The following FANCB variants were observed in gnomAD, a reference collection of about 807,000 sequenced individuals.
The protein encoded by FANCB is FA complementation group B.
In FANCB, 5 loss-of-function variants were observed where a neutral mutation model predicts 38.9. The ratio of observed to expected loss-of-function variants is 0.13; its 90% CI spans 0.07 to 0.27. The LOEUF (loss-of-function observed/expected upper bound fraction) is 0.27. Ranked by LOEUF, FANCB falls within the 10% of genes least tolerant of loss-of-function variation. The probability of loss-of-function intolerance (pLI) is 1.00; values close to 1 mark genes in which losing one functional copy is unlikely to be tolerated. For missense variants in FANCB, 573 were observed against 602.7 expected, an observed-to-expected ratio of 0.95 and a Z score of 0.52; for synonymous variants, 236 against 215.4, an observed-to-expected ratio of 1.10 and a Z score of -0.84.
At chrX:14,835,042 T>C (rs2147373506), downstream of FANCB, 2 of 579,149 alleles carry the variant, frequency 3.5e-6, no homozygotes, top group East Asian at 3.3e-5. Context: ...GGTGGTGTTA[T>C]TTCAAAGCCC....
At chrX:14,859,463 T>C (rs1459818574) in intron 3 of FANCB, 129 bp from the exon 4 acceptor site, 1 of 459,906 alleles carries the variant, frequency 2.2e-6, no homozygotes, top group East Asian at 3.8e-5. Flanking sequence ...GTAATGAAAA[T>C]AGTAAAAACT....
At chrX:14,730,761 G>A in the FANCB span, 1 of 305,997 alleles carries the variant, frequency 3.3e-6, no homozygotes, top group East Asian at 6.2e-5. Context: ...CATGATATGC[G>A]CAACATTCAG....
At chrX:14,798,384 G>T in the FANCB span, among the ~76,000 whole-genome samples, 2 of 110,821 alleles carry the variant, frequency 1.8e-5, no homozygotes, top group Non-Finnish European at 3.8e-5. Context: ...GGATGATCTC[G>T]ATCTCCTGAC....
chrX:14,803,517 G>A, the FANCB span, among the ~76,000 whole-genome samples: 3 of 112,022 alleles, frequency 2.7e-5, no homozygotes, highest in Non-Finnish European at 5.6e-5. Context: ...AAAAACTCAG[G>A]AATTCCTTTG....
chrX:14,788,278 C>T, the FANCB span, among the ~76,000 whole-genome samples: 1 of 111,094 alleles, frequency 9.0e-6, no homozygotes, highest in Non-Finnish European at 1.9e-5. Context: ...CGCAGTTACC[C>T]ACTACTACAT....
At chrX:14,713,959 C>T in the FANCB span, among the ~76,000 whole-genome samples, 4 of 111,108 alleles carry the variant, frequency 3.6e-5, no homozygotes, top group African/African-American at 1.3e-4. Context: ...GCCAGCAGAC[C>T]ATGTAGATGA....
At position 14,865,103 on chromosome X, in the gene FANCB, G is replaced by A; in HGVS notation, c.408C>T (p.Val136=). The A allele has an allele frequency of 8.3e-7, 1 of 1,210,327 alleles. No homozygotes were observed. The highest frequency in any genetic ancestry group is 2.3e-4 in the Middle Eastern group (1 of 4,348). The change falls in exon 3 of 10, where the codon GTC becomes GTT. Residue 136 remains valine, a synonymous_variant. Coordinates refer to ENST00000650831, the MANE Select transcript of FANCB (RefSeq NM_001018113.3). ...TCCATAAAATTAAAGGGCCATTAAG[G>A]ACCCTTAGGCCATCCTTCATCTCAT... is the stretch of plus-strand genomic sequence containing the variant. ...LGYEMKDGLR[V]LNGPLILWRH...
At chrX:14,826,532 T>C in the FANCB span, among the ~76,000 whole-genome samples, 1 of 112,613 alleles carries the variant, frequency 8.9e-6, no homozygotes, top group Non-Finnish European at 1.9e-5. Context: ...AAGTCATTTT[T>C]TCAATGTAAT....
At chrX:14,752,512 A>C in the FANCB span, among the ~76,000 whole-genome samples, 19 of 112,490 alleles carry the variant, frequency 1.7e-4, no homozygotes, top group African/African-American at 5.8e-4. Flanking sequence ...TAAGACATAT[A>C]GTATGACCAA....
the FANCB span, among the ~76,000 whole-genome samples, chrX:14,720,360 C>T: frequency 1.2e-3 from 131 of 111,807 alleles, 1 homozygote; most frequent in Admixed American, 3.8e-4. Flanking sequence ...GCTCAAAACT[C>T]AGGATCTCAT....
chrX:14,797,159 A>T, the FANCB span, among the ~76,000 whole-genome samples: 2 of 111,805 alleles, frequency 1.8e-5, no homozygotes, highest in Non-Finnish European at 1.9e-5. Context: ...AAGTTGACAC[A>T]TAAAATTAAC....
intron 10 of FANCB, among the ~76,000 whole-genome samples, chrX:14,837,215 G>A (rs930128552): frequency 7.1e-5 from 8 of 112,171 alleles, no homozygotes; most frequent in Middle Eastern, 4.6e-3. Context: ...TACTCATAGC[G>A]AATAAAGATG....
the FANCB span, among the ~76,000 whole-genome samples, chrX:14,784,404 A>G: frequency 9.0e-6 from 1 of 110,919 alleles, no homozygotes; most frequent in South Asian, 3.8e-4. Context: ...TCCTCAGCTC[A>G]TGACTCCTTC....
chrX:14,842,512 C>A (rs1348362356), downstream of FANCB, among the ~76,000 whole-genome samples: 1 of 111,834 alleles, frequency 8.9e-6, no homozygotes, highest in Non-Finnish European at 1.9e-5. Context: ...TATCCTTTTG[C>A]GTCTTTTTCT....
chrX:14,838,191 A>G (rs2092345941), intron 10 of FANCB, among the ~76,000 whole-genome samples: 1 of 112,504 alleles, frequency 8.9e-6, no homozygotes, highest in Non-Finnish European at 1.9e-5. Context: ...CACAATAATC[A>G]ATAAATATTC....
the FANCB span, among the ~76,000 whole-genome samples, chrX:14,700,614 C>G: frequency 9.0e-6 from 1 of 111,601 alleles, no homozygotes; most frequent in African/African-American, 3.3e-5. Context: ...ACATTGGTAA[C>G]CTCAACAACA....
the FANCB span, chrX:14,730,594 G>A: frequency 9.2e-6 from 1 of 108,950 alleles, no homozygotes; most frequent in Non-Finnish European, 1.8e-5. Flanking sequence ...AGGGAGGGGG[G>A]AGGGAGGGTC....
chrX:14,747,889 A>T, the FANCB span, among the ~76,000 whole-genome samples: 1 of 112,096 alleles, frequency 8.9e-6, no homozygotes, highest in East Asian at 2.8e-4. Flanking sequence ...CCCTATTTAA[A>T]ATAATTGGAA....
At chrX:14,859,693 T>C (rs953358738) in intron 3 of FANCB, among the ~76,000 whole-genome samples, 8 of 111,966 alleles carry the variant, frequency 7.1e-5, no homozygotes, top group Non-Finnish European at 1.3e-4. Context: ...CAAACTCTAG[T>C]GAAGATTCCT....
Sources: allele counts gnomAD v4.1 joint callset (sites outside exome capture counted in the v4.1 genomes callset), GRCh38; gene constraint gnomAD v4.1.1; transcripts MANE v1.5; gene names NCBI Gene and HGNC (gene_info 2026-07-23, HGNC 2026-07-21).